The following FAM135B variants were observed in gnomAD, a reference collection of about 807,000 sequenced individuals.
FAM135B encodes the protein family with sequence similarity 135 member B.
Under a neutral mutation model 127.7 loss-of-function variants are expected in FAM135B, and 43 were observed. The ratio of observed to expected loss-of-function variants is 0.34; its 90% CI spans 0.26 to 0.43. The LOEUF (loss-of-function observed/expected upper bound fraction) is 0.43, where lower values mean the gene tolerates loss of function less well. FAM135B is among the 20% of genes least tolerant of loss of function. The pLI, the probability that FAM135B is intolerant of heterozygous loss-of-function variation, is 1.00. For synonymous variants in FAM135B, 670 were observed against 665.1 expected (o/e 1.01, Z -0.11); for missense variants, 1,558 against 1,725.6 (o/e 0.90, Z 1.72).
intron 5 of FAM135B, 72 bp from the exon 6 acceptor site, chr8:138,251,086 T>G (rs575159501): frequency 7.8e-5 from 121 of 1,556,926 alleles, no homozygotes; most frequent in Non-Finnish European, 1.0e-4. Context: ...CATGTCTGTA[T>G]TAAGCCTCTC....
intron 1 of FAM135B, among the ~76,000 whole-genome samples, chr8:138,465,669 GC>G (rs1837344658): frequency 6.6e-6 from 1 of 152,130 alleles, no homozygotes; most frequent in South Asian, 2.1e-4. Flanking sequence ...ACAGCAAAAA[GC>G]CTCTCCCCTC....
intron 1 of FAM135B, among the ~76,000 whole-genome samples, chr8:138,458,919 G>C (rs1836961440): frequency 6.6e-6 from 1 of 152,130 alleles, no homozygotes; most frequent in Non-Finnish European, 1.5e-5. Context: ...TGAAGTGTGG[G>C]ATTTCTGACT....
chr8:138,476,569 C>G (rs1408028805), intron 1 of FAM135B, among the ~76,000 whole-genome samples: 1 of 151,666 alleles, frequency 6.6e-6, no homozygotes, highest in Admixed American at 6.6e-5. Context: ...CACAAAATAG[C>G]CTTTCATCTA....
intron 1 of FAM135B, among the ~76,000 whole-genome samples, chr8:138,464,075 T>C (rs1160923367): frequency 6.6e-6 from 1 of 152,116 alleles, no homozygotes; most frequent in East Asian, 1.9e-4. Flanking sequence ...CATTCCTTTA[T>C]CAGGTAGTAT....
At chr8:138,485,046 A>G (rs1392413877) in intron 1 of FAM135B, among the ~76,000 whole-genome samples, 1 of 152,236 alleles carries the variant, frequency 6.6e-6, no homozygotes, top group African/African-American at 2.4e-5. Flanking sequence ...AGCTAAGATG[A>G]TGTGTGCTCC....
intron 1 of FAM135B, among the ~76,000 whole-genome samples, chr8:138,445,971 T>A (rs546792021): frequency 3.0e-4 from 46 of 152,246 alleles, no homozygotes; most frequent in Non-Finnish European, 3.7e-4. Context: ...GCATACAAAA[T>A]CAATGTGCAA....
chr8:138,311,469 G>C (rs926696819), intron 2 of FAM135B, among the ~76,000 whole-genome samples: 1 of 152,158 alleles, frequency 6.6e-6, no homozygotes, highest in Non-Finnish European at 1.5e-5. Flanking sequence ...ACAATGTGCA[G>C]GTTCTCCTGA....
At chr8:138,442,440 G>A (rs1355365646) in intron 1 of FAM135B, among the ~76,000 whole-genome samples, 1 of 151,448 alleles carries the variant, frequency 6.6e-6, no homozygotes, top group African/African-American at 2.4e-5. Context: ...AGTGAATGCT[G>A]TTTAACATCC....
intron 1 of FAM135B, among the ~76,000 whole-genome samples, chr8:138,443,852 C>A (rs1564006958): frequency 6.6e-6 from 1 of 152,100 alleles, no homozygotes; most frequent in Admixed American, 6.6e-5. Flanking sequence ...AAGACACAGA[C>A]TGGCAAATTG....
At chr8:138,342,236 T>A (rs1829100129) in intron 2 of FAM135B, among the ~76,000 whole-genome samples, 1 of 152,134 alleles carries the variant, frequency 6.6e-6, no homozygotes, top group Admixed American at 6.5e-5. Context: ...ATGATTCAAT[T>A]CTAGAGCACT....
At chr8:138,468,283 A>T (rs911462914) in intron 1 of FAM135B, among the ~76,000 whole-genome samples, 6 of 152,136 alleles carry the variant, frequency 3.9e-5, no homozygotes, top group African/African-American at 1.4e-4. Context: ...CATTCCTCTA[A>T]CCCTGTTTTA....
chr8:138,215,802 T>C (rs1818498123), intron 7 of FAM135B, among the ~76,000 whole-genome samples: 1 of 152,148 alleles, frequency 6.6e-6, no homozygotes. Flanking sequence ...CATGAATGGC[T>C]CAGATCCTAC....
At chr8:138,285,502 A>G (rs1213919008) in intron 3 of FAM135B, among the ~76,000 whole-genome samples, 1 of 152,170 alleles carries the variant, frequency 6.6e-6, no homozygotes, top group Non-Finnish European at 1.5e-5. Flanking sequence ...GTAGCGACAG[A>G]GATACCTTTC....
intron 2 of FAM135B, among the ~76,000 whole-genome samples, chr8:138,366,590 C>A (rs1487924628): frequency 6.6e-6 from 1 of 152,160 alleles, no homozygotes; most frequent in Non-Finnish European, 1.5e-5. Context: ...AGAACCATTT[C>A]CCATTCTTCT....
intron 2 of FAM135B, among the ~76,000 whole-genome samples, chr8:138,314,912 C>A (rs930459941): frequency 6.9e-6 from 1 of 145,274 alleles, no homozygotes; most frequent in Non-Finnish European, 1.5e-5. Flanking sequence ...ATTCGAAGGG[C>A]ATTTTTTATA....
intron 1 of FAM135B, among the ~76,000 whole-genome samples, chr8:138,417,848 T>C (rs977629349): frequency 4.6e-5 from 7 of 152,082 alleles, no homozygotes; most frequent in Admixed American, 3.9e-4. Context: ...CCCATTCACA[T>C]GAGAAAAAAT....
chr8:138,260,080 A>G (rs1822428797), intron 4 of FAM135B, among the ~76,000 whole-genome samples: 1 of 152,148 alleles, frequency 6.6e-6, no homozygotes, highest in Non-Finnish European at 1.5e-5. Flanking sequence ...TGGGCTTAAG[A>G]CTAACCTTTG....
intron 1 of FAM135B, among the ~76,000 whole-genome samples, chr8:138,392,439 C>T (rs903310268): frequency 6.6e-6 from 1 of 152,136 alleles, no homozygotes; most frequent in African/African-American, 2.4e-5. Context: ...TGAGTAAATC[C>T]TGTATTTGTT....
chr8:138,244,179 T>A (rs1821100351), intron 6 of FAM135B, among the ~76,000 whole-genome samples: 1 of 152,176 alleles, frequency 6.6e-6, no homozygotes, highest in Non-Finnish European at 1.5e-5. Flanking sequence ...GATAAGATGA[T>A]TGAGGCACAG....
Sources: gnomAD v4.1 joint callset for allele counts (sites outside exome capture counted in the v4.1 genomes callset) on GRCh38, gnomAD v4.1.1 for gene constraint, MANE v1.5 for transcripts, NCBI Gene and HGNC (gene_info 2026-07-23, HGNC 2026-07-21) for gene names.